The following CEP192 variants were observed in gnomAD, a reference collection of about 807,000 sequenced individuals.
The protein encoded by CEP192 is centrosomal protein 192.
A neutral mutation model predicts 271.8 loss-of-function variants in CEP192; 151 were observed. That is an observed-to-expected ratio of 0.56 (90% confidence interval 0.49 to 0.64). The LOEUF is 0.64. CEP192 is among the 30% of genes least tolerant of loss of function. The probability of loss-of-function intolerance (pLI) is 0.00; values close to 1 mark genes in which losing one functional copy is unlikely to be tolerated. For missense variants in CEP192, 2,910 were observed against 3,020.5 expected, an observed-to-expected ratio of 0.96 and a Z score of 0.86; for synonymous variants, 995 against 1,076.5, an observed-to-expected ratio of 0.92 and a Z score of 1.48.
rs562367125 is a variant in CEP192 at position 13,034,991 on chromosome 18, A to G, written c.1535-2246A>G. On this transcript the variant is annotated intron_variant, in intron 11 of 44. Transcript: ENST00000506447. ...TGCTTCCACGTTTGGCCTCGGAAGC[A>G]TTCAGTACAAGAGGATTGTTGTTTT... is the stretch of plus-strand genomic sequence containing the variant. Among the ~76,000 whole-genome samples the G allele has an allele frequency of 1.1e-4, 16 of 152,256 alleles. 2 individuals carry two copies. The South Asian group carries it at 2.9e-3, about 28-fold the overall frequency.
chr18:13,099,380 A>C, intron 36 of CEP192, 96 bp from the exon 37 acceptor site: 11 of 619,866 alleles, frequency 1.8e-5, no homozygotes, highest in Non-Finnish European at 1.9e-5. Flanking sequence ...GCAGTGAGGA[A>C]ATGGCCATTG....
chr18:13,022,404 G>A (rs1213785302), intron 9 of CEP192, among the ~76,000 whole-genome samples: 5 of 151,148 alleles, frequency 3.3e-5, no homozygotes, highest in African/African-American at 4.9e-5. Context: ...TGTTTGAGAC[G>A]GAGTCTCTCT....
rs376373335 is a variant in CEP192 at position 13,040,889 on chromosome 18, A to G, written c.1869A>G (p.Arg623=). 7.8e-5 allele frequency: 125 copies of G among 1,607,124 alleles called. 2 individuals are homozygous for G. Among genetic ancestry groups the G allele is most frequent in the Admixed American group, 8.3e-5 (5 of 59,882 alleles). The change falls in exon 14 of 45, where the codon AGA becomes AGG. Residue 623 remains arginine (R), a synonymous_variant. Coordinates refer to ENST00000506447, the MANE Select transcript of CEP192 (RefSeq NM_032142.4). ...AGAGAGAACCTATTGCCTTAATAAGAAAATCTGATGTATCAAGAGGTAATT... is the reference window on the plus strand; with the variant it reads ...AGAGAGAACCTATTGCCTTAATAAGGAAATCTGATGTATCAAGAGGTAATT... ...PEKREPIALI[R]KSDVSRGNLE...
intron 11 of CEP192, among the ~76,000 whole-genome samples, chr18:13,034,546 G>A (rs1022003047): frequency 7.9e-5 from 12 of 151,936 alleles, no homozygotes; most frequent in African/African-American, 2.7e-4. Flanking sequence ...AGTGGCTTAC[G>A]CCTGTAATCC....
chr18:13,041,960 G>C (rs889043679), intron 14 of CEP192, among the ~76,000 whole-genome samples: 1 of 152,180 alleles, frequency 6.6e-6, no homozygotes, highest in Admixed American at 6.5e-5. Flanking sequence ...ATTTGCAAGG[G>C]AAAGATTAAA....
At chr18:13,084,892 C>T (rs905955046) in intron 30 of CEP192, among the ~76,000 whole-genome samples, 1 of 151,834 alleles carries the variant, frequency 6.6e-6, no homozygotes, top group Non-Finnish European at 1.5e-5. Flanking sequence ...CGGCTCACTG[C>T]AACCTCCGCC....
intron 3 of CEP192, among the ~76,000 whole-genome samples, chr18:13,006,117 T>G (rs985419539): frequency 1.3e-5 from 2 of 152,180 alleles, no homozygotes; most frequent in Non-Finnish European, 2.9e-5. Context: ...CCAGAACTAC[T>G]GTTTTGGATT....
At chr18:13,094,657 C>T (rs990322724) in intron 34 of CEP192, among the ~76,000 whole-genome samples, 1 of 152,188 alleles carries the variant, frequency 6.6e-6, no homozygotes, top group Non-Finnish European at 1.5e-5. Context: ...AGGGTGCAGG[C>T]ACTAGGTGTG....
At chr18:13,047,586 C>T (rs2036551715) in intron 15 of CEP192, among the ~76,000 whole-genome samples, 1 of 152,180 alleles carries the variant, frequency 6.6e-6, no homozygotes. Context: ...CTTGCTGGTG[C>T]TTTCAAAGAT....
intron 18 of CEP192, among the ~76,000 whole-genome samples, chr18:13,054,278 T>C (rs2036963887): frequency 1.3e-5 from 2 of 152,310 alleles, no homozygotes; most frequent in South Asian, 4.1e-4. Flanking sequence ...GCAGTGGGAA[T>C]AGAATAGAAG....
At position 13,124,779 on chromosome 18, in the gene CEP192, C is replaced by G. The variant is rs770533253; in HGVS notation, c.*9C>G. 2.5e-6 allele frequency: 4 copies of G among 1,589,620 alleles called. No individual in the cohort carries two copies. Among genetic ancestry groups the G allele is most frequent in the Non-Finnish European group, 3.4e-6 (4 of 1,160,046 alleles). The stretch of plus-strand genomic sequence containing the variant: ...CTCTTGGAAAAAATTAACTAGAATA[C>G]ATTTTTGTGTAAAGTAAATTACATA... On this transcript the variant is annotated 3_prime_UTR_variant, in exon 45 of 45. Transcript: ENST00000506447.
chr18:13,045,868 T>G (rs2036447401), intron 15 of CEP192, among the ~76,000 whole-genome samples: 1 of 152,234 alleles, frequency 6.6e-6, no homozygotes, highest in Non-Finnish European at 1.5e-5. Context: ...ATACCAGCTT[T>G]CTTTGGTTAG....
At chr18:13,082,362 C>T (rs990281732) in intron 30 of CEP192, among the ~76,000 whole-genome samples, 1 of 145,930 alleles carries the variant, frequency 6.9e-6, no homozygotes, top group Non-Finnish European at 1.5e-5. Flanking sequence ...TATATGATGG[C>T]TTTCTTGGTC....
At chr18:13,066,365 T>C (rs66559751) in intron 21 of CEP192, among the ~76,000 whole-genome samples, 20,523 of 152,260 alleles carry the variant, frequency 0.13, 1,532 homozygotes, top group East Asian at 0.31. Context: ...TTCTAGTTCT[T>C]GGGTTACTAA....
intron 40 of CEP192, among the ~76,000 whole-genome samples, chr18:13,110,763 A>C (rs938615378): frequency 6.6e-6 from 1 of 152,240 alleles, no homozygotes; most frequent in Non-Finnish European, 1.5e-5. Context: ...TCTGTGGCCA[A>C]ACTGACTATC....
Position 13,013,039 on chromosome 18 carries a change from T to C in CEP192, c.519+14T>C, listed in dbSNP as rs926860800. Reference sequence around the variant, plus strand: ...AAGGAACCCAAGGTAACCTTTTATATATTTGGTATCATTTTCTGGAGTACT... The same window carrying C: ...AAGGAACCCAAGGTAACCTTTTATACATTTGGTATCATTTTCTGGAGTACT... On this transcript the variant is annotated intron_variant, in intron 5 of 44. Coordinates refer to ENST00000506447, the MANE Select transcript of CEP192 (RefSeq NM_032142.4). 4.5e-6 allele frequency: 6 copies of C among 1,346,418 alleles called. No individual in the cohort carries two copies. The African/African-American group carries it at 8.7e-5, about 20-fold the overall frequency. 83.4% of individuals were successfully genotyped at this position (1,346,418 alleles called of 1,614,324 possible). A position where few individuals can be genotyped will look rare whatever the true frequency, so the allele number is the denominator to read the frequency against.
intron 11 of CEP192, among the ~76,000 whole-genome samples, chr18:13,032,918 C>T (rs1173169337): frequency 6.6e-6 from 1 of 151,926 alleles, no homozygotes; most frequent in Non-Finnish European, 1.5e-5. Context: ...GTAAAGCTGA[C>T]TAAGAACACA....
At chr18:13,066,963 C>CTG (rs56795701) in intron 21 of CEP192, among the ~76,000 whole-genome samples, 43,427 of 143,270 alleles carry the variant, frequency 0.3, 6,516 homozygotes, top group Middle Eastern at 0.35. Context: ...GTGAGCACGT[C>CTG]TGTGTGTGTG....
At chr18:13,087,671 T>G in intron 32 of CEP192, 25 bp downstream of exon 32, 1 of 1,199,372 alleles carries the variant, frequency 8.3e-7, no homozygotes, top group Non-Finnish European at 1.2e-6. Context: ...TTACACAATG[T>G]TGGGAACCAT....
Sources: allele counts gnomAD v4.1 joint callset (sites outside exome capture counted in the v4.1 genomes callset), GRCh38; gene constraint gnomAD v4.1.1; transcripts MANE v1.5; gene names NCBI Gene and HGNC (gene_info 2026-07-23, HGNC 2026-07-21).